ZNF37A: variants seen among roughly 807,000 people sequenced by gnomAD.
The protein encoded by ZNF37A is zinc finger protein 37a (KOX 21).
A neutral mutation model predicts 12.3 loss-of-function variants in ZNF37A; 10 were observed. That is an observed-to-expected ratio of 0.82 (90% confidence interval 0.50 to 1.38). The LOEUF (loss-of-function observed/expected upper bound fraction) is 1.38, where lower values mean the gene tolerates loss of function less well. Ranked by LOEUF, ZNF37A falls within the 40% of genes most tolerant of loss-of-function variation. The pLI is 0.00. For synonymous variants in ZNF37A, 207 were observed against 223.0 expected, an observed-to-expected ratio of 0.93 and a Z score of 0.64; for missense variants, 580 against 651.2, an observed-to-expected ratio of 0.89 and a Z score of 1.19.
At chr10:38,113,753 T>A (rs568870788) in intron 5 of ZNF37A, among the ~76,000 whole-genome samples, 1 of 152,348 alleles carries the variant, frequency 6.6e-6, no homozygotes, top group South Asian at 2.1e-4. Context: ...GTCTCAACTC[T>A]ACTTTGGTGG....
chr10:38,120,516 A>C lies in ZNF37A; in HGVS notation c.*1679A>C, dbSNP rs1310082621. 1 of 152,228 alleles carries C rather than the reference A, an allele frequency of 6.6e-6. No individual in the cohort carries two copies. The highest frequency in any genetic ancestry group is 1.5e-5 in the Non-Finnish European group (1 of 68,052). The allele number at this position is 152,228 out of a possible 1,614,324, so 9.4% of individuals were successfully genotyped here. A position where few individuals can be genotyped will look rare whatever the true frequency, so the allele number is the denominator to read the frequency against. ...ACCCATTGAGGATAACTATAAAATT[A>C]CAGAAAATATTTAAATGCAACTTAT... On this transcript the variant is annotated 3_prime_UTR_variant, in exon 8 of 8. Coordinates refer to ENST00000685332, the MANE Select transcript of ZNF37A (RefSeq NM_001324250.3).
intron 7 of ZNF37A, 94 bp downstream of exon 7, chr10:38,115,384 A>G: frequency 1.3e-6 from 2 of 1,495,364 alleles, no homozygotes; most frequent in Non-Finnish European, 1.8e-6. Context: ...TTTAGGAATC[A>G]TGTTTTAGAG....
chr10:38,119,131 G>T lies in ZNF37A; in HGVS notation c.*294G>T. On this transcript the variant is annotated 3_prime_UTR_variant, in exon 8 of 8. Coordinates refer to ENST00000685332, the MANE Select transcript of ZNF37A (RefSeq NM_001324250.3). ...GAGAATTCACACGGGGTGAAACCTGGGTCAGCATCCCTAGGTTGAGAAGGG... is the reference window on the plus strand; with the variant it reads ...GAGAATTCACACGGGGTGAAACCTGTGTCAGCATCCCTAGGTTGAGAAGGG... 1 of 1,072,968 alleles carries T rather than the reference G, an allele frequency of 9.3e-7. No individual in the cohort carries two copies. The highest frequency in any genetic ancestry group is 1.7e-5 in the African/African-American group (1 of 59,966). 66.5% of individuals were successfully genotyped at this position (1,072,968 alleles called of 1,614,324 possible). A position where few individuals can be genotyped will look rare whatever the true frequency, so the allele number is the denominator to read the frequency against.
At chr10:38,116,801 G>T (rs2069303069) in intron 7 of ZNF37A, among the ~76,000 whole-genome samples, 1 of 152,070 alleles carries the variant, frequency 6.6e-6, no homozygotes, top group Non-Finnish European at 1.5e-5. Context: ...TTTATTTCTA[G>T]TGAATCAGAG....
intron 5 of ZNF37A, among the ~76,000 whole-genome samples, chr10:38,103,742 A>G (rs543934914): frequency 1.6e-4 from 24 of 152,300 alleles, no homozygotes; most frequent in African/African-American, 5.1e-4. Flanking sequence ...TTTATAAACT[A>G]TTTTTGTAAA....
At position 38,118,191 on chromosome 10, in the gene ZNF37A, G is replaced by A. The variant is rs1214072441; in HGVS notation, c.1040G>A (p.Arg347Lys). 6 of 1,613,894 alleles carry A rather than the reference G, an allele frequency of 3.7e-6. No homozygotes were observed. The highest frequency in any genetic ancestry group is 5.1e-6 in the Non-Finnish European group (6 of 1,179,970). The change falls in exon 8 of 8, where the codon AGA becomes AAA. Residue 347 changes from arginine (R) to lysine (K), a missense_variant. Coordinates refer to ENST00000685332, the MANE Select transcript of ZNF37A (RefSeq NM_001324250.3). ...AAGTCAACCCTTACTCAACATCAAA[G>A]AACGCACACAGGGGAGAAACCATAT... ...SEKSTLTQHQ[R>K]THTGEKPYEC...
rs1315916553 is a variant in ZNF37A, at chr10:38,119,550, A to G, written c.*713A>G. The G allele has an allele frequency of 6.8e-6, 2 of 295,316 alleles. No homozygotes were observed. The highest frequency in any genetic ancestry group is 4.5e-5 in the African/African-American group (2 of 44,056). 18.3% of individuals were successfully genotyped at this position (295,316 alleles called of 1,614,324 possible). On this transcript the variant is annotated 3_prime_UTR_variant, in exon 8 of 8. Coordinates refer to ENST00000685332, the MANE Select transcript of ZNF37A (RefSeq NM_001324250.3). Reference sequence around the variant, plus strand: ...TAGAACAGAGGTGTTGAGTTGCAGGATATCTAGCAATTTAAGAAAATGTGG... The same window carrying G: ...TAGAACAGAGGTGTTGAGTTGCAGGGTATCTAGCAATTTAAGAAAATGTGG...
chr10:38,113,851 A>G (rs571923186), intron 5 of ZNF37A, among the ~76,000 whole-genome samples: 20 of 152,296 alleles, frequency 1.3e-4, no homozygotes, highest in Middle Eastern at 3.4e-3. Flanking sequence ...ATTCGCATCA[A>G]TGACCTGGGA....
rs1206049211 is a variant in ZNF37A at position 38,120,990 on chromosome 10, G to T, written c.*2153G>T. 6.6e-6 allele frequency: 1 copy of T among 152,184 alleles called. No homozygotes were observed. Among genetic ancestry groups the T allele is most frequent in the Non-Finnish European group, 1.5e-5 (1 of 68,040 alleles). 9.4% of individuals were successfully genotyped at this position (152,184 alleles called of 1,614,324 possible). A position where few individuals can be genotyped will look rare whatever the true frequency, so the allele number is the denominator to read the frequency against. ...AAGCCCTGGAAACAAGGTCATACTAGAGATTGGTTGTGCCTTGTCACAACT... is the reference window on the plus strand; with the variant it reads ...AAGCCCTGGAAACAAGGTCATACTATAGATTGGTTGTGCCTTGTCACAACT... On this transcript the variant is annotated 3_prime_UTR_variant, in exon 8 of 8. Coordinates refer to ENST00000685332, the MANE Select transcript of ZNF37A (RefSeq NM_001324250.3).
downstream of ZNF37A, among the ~76,000 whole-genome samples, chr10:38,126,342 T>C (rs2069926994): frequency 6.6e-6 from 1 of 152,192 alleles, no homozygotes; most frequent in South Asian, 2.1e-4. Flanking sequence ...AATGAGATGC[T>C]AGACCTCTCA....
Position 38,123,964 on chromosome 10 carries a change from C to G in ZNF37A, c.*5127C>G, listed in dbSNP as rs746666242. On this transcript the variant is annotated 3_prime_UTR_variant, in exon 8 of 8. Transcript: ENST00000685332. ...CTAAAAATAGAGCTATCATACAATC[C>G]CACAATTCCACTGGTAGTTATATAC... The G allele has an allele frequency of 6.6e-6, 1 of 152,108 alleles. No individual in the cohort carries two copies. Among genetic ancestry groups the G allele is most frequent in the Non-Finnish European group, 1.5e-5 (1 of 68,022 alleles). 9.4% of individuals were successfully genotyped at this position (152,108 alleles called of 1,614,324 possible).
intron 7 of ZNF37A, among the ~76,000 whole-genome samples, chr10:38,134,092 G>C (rs915844939): frequency 1.3e-5 from 2 of 152,208 alleles, no homozygotes; most frequent in Admixed American, 1.3e-4. Flanking sequence ...ACTGAAGCTT[G>C]TGCATGCATC....
At chr10:38,135,582 T>C (rs1325844079) in intron 7 of ZNF37A, among the ~76,000 whole-genome samples, 1 of 152,208 alleles carries the variant, frequency 6.6e-6, no homozygotes, top group Non-Finnish European at 1.5e-5. Flanking sequence ...TCTTTATAAT[T>C]GTCCATGTAT....
intron 5 of ZNF37A, among the ~76,000 whole-genome samples, chr10:38,101,953 G>C (rs577085863): frequency 2.2e-4 from 33 of 151,706 alleles, no homozygotes; most frequent in African/African-American, 7.7e-4. Flanking sequence ...CTCCCGAGGA[G>C]CTGGGATTAC....
chr10:38,100,566 G>A (rs2067483845), intron 5 of ZNF37A, among the ~76,000 whole-genome samples: 1 of 152,184 alleles, frequency 6.6e-6, no homozygotes, highest in Non-Finnish European at 1.5e-5. Flanking sequence ...GAGAAATATG[G>A]CTCTGTTCCG....
chr10:38,135,994 T>C (rs2070102575), intron 7 of ZNF37A, among the ~76,000 whole-genome samples: 1 of 152,202 alleles, frequency 6.6e-6, no homozygotes, highest in Non-Finnish European at 1.5e-5. Flanking sequence ...CCTGAAGGAA[T>C]CTCTTTAGCA....
chr10:38,132,099 A>T (rs1376304936), intron 7 of ZNF37A, among the ~76,000 whole-genome samples: 2 of 152,004 alleles, frequency 1.3e-5, no homozygotes, highest in Admixed American at 1.3e-4. Context: ...TCTATTTTGG[A>T]TGTTTTTATT....
Position 38,118,287 on chromosome 10 carries a change from G to A in ZNF37A, c.1136G>A (p.Gly379Glu), listed in dbSNP as rs1303990830. 1 of 1,613,912 alleles carries A rather than the reference G, an allele frequency of 6.2e-7. No homozygotes were observed. Among genetic ancestry groups the A allele is most frequent in the Admixed American group, 1.7e-5 (1 of 59,946 alleles). Residue 379 changes from glycine to glutamate, a missense_variant, in exon 8 of 8, where the codon GGG (glycine) becomes GAG (glutamate). Coordinates refer to ENST00000685332, the MANE Select transcript of ZNF37A (RefSeq NM_001324250.3). ...ACTGTGCATCAGAAAACACACACAG[G>A]GGAGAAGCCCTATGAATGCTATGCA... ...VLTVHQKTHT[G>E]EKPYECYACG... is the part of the protein sequence containing the mutation.
At chr10:38,095,504 C>T (rs2067078950) in intron 2 of ZNF37A, 34 bp from the exon 3 acceptor site, 1 of 152,278 alleles carries the variant, frequency 6.6e-6, no homozygotes. Flanking sequence ...GGACAGCACC[C>T]TCCATGCCTG....
Sources: gnomAD v4.1 joint callset for allele counts (sites outside exome capture counted in the v4.1 genomes callset) on GRCh38, gnomAD v4.1.1 for gene constraint, MANE v1.5 for transcripts, NCBI Gene and HGNC (gene_info 2026-07-23, HGNC 2026-07-21) for gene names.